SIM1: variants seen among roughly 807,000 people sequenced by gnomAD.
The protein encoded by SIM1 is SIM bHLH transcription factor 1.
Under a neutral mutation model 78.2 loss-of-function variants are expected in SIM1, and 18 were observed. The observed-to-expected ratio is 0.23, with a 90% CI of 0.16 to 0.34. The LOEUF (loss-of-function observed/expected upper bound fraction) is 0.34. Among genes scored for constraint, SIM1 ranks in the 10% least tolerant of loss-of-function variants. The probability of loss-of-function intolerance (pLI) is 1.00; values close to 1 mark genes in which losing one functional copy is unlikely to be tolerated. For synonymous variants in SIM1, 417 were observed against 385.2 expected (o/e 1.08, Z -0.97); for missense variants, 939 against 975.1 (o/e 0.96, Z 0.49).
intron 4 of SIM1, 88 bp from the exon 5 acceptor site, chr6:100,449,787 A>C (rs1277566673): frequency 1.8e-6 from 2 of 1,082,040 alleles, no homozygotes; most frequent in African/African-American, 3.1e-5. Context: ...CTGCAGGACC[A>C]TGAGGACAGC....
chr6:100,440,532 G>A (rs767933), intron 9 of SIM1, among the ~76,000 whole-genome samples: 4 of 152,138 alleles, frequency 2.6e-5, no homozygotes, highest in East Asian at 3.9e-4. Context: ...CCCTCTTCCC[G>A]GCCAGCTCCC....
rs186649678 is a variant in SIM1 at position 100,397,759 on chromosome 6, C to A, written c.1168-3870G>T. On this transcript the variant is annotated intron_variant, in intron 10 of 11. Transcript: ENST00000369208. ...AGACAAGCTACAGGAAGGGATAAAG[C>A]ATTTACAAATTACATATCCAACAAA... Among the ~76,000 whole-genome samples, 188 of 152,126 alleles carry A rather than the reference C, an allele frequency of 1.2e-3. 1 individual carries two copies. The highest frequency in any genetic ancestry group is 4.4e-3 in the African/African-American group (182 of 41,514).
chr6:100,397,160 T>G (rs1051422120), intron 10 of SIM1, among the ~76,000 whole-genome samples: 1 of 152,186 alleles, frequency 6.6e-6, no homozygotes, highest in Admixed American at 6.5e-5. Flanking sequence ...CCTCCAAGTA[T>G]CCCGTTATGA....
chr6:100,423,354 A>C (rs1423305818), intron 9 of SIM1, among the ~76,000 whole-genome samples: 1 of 152,086 alleles, frequency 6.6e-6, no homozygotes, highest in African/African-American at 2.4e-5. Context: ...CTATTTATTC[A>C]ATACATATTT....
intron 10 of SIM1, among the ~76,000 whole-genome samples, chr6:100,420,021 T>C (rs1417814902): frequency 6.6e-6 from 1 of 152,102 alleles, no homozygotes; most frequent in Admixed American, 6.6e-5. Flanking sequence ...ATGATGCTAT[T>C]AAAAGAGAAG....
At chr6:100,454,835 G>A (rs569337632) in intron 2 of SIM1, among the ~76,000 whole-genome samples, 1 of 152,158 alleles carries the variant, frequency 6.6e-6, no homozygotes, top group African/African-American at 2.4e-5. Flanking sequence ...AAACAAAGAA[G>A]GCAAAAAAAC....
At chr6:100,407,797 C>A (rs1771087625) in intron 10 of SIM1, among the ~76,000 whole-genome samples, 1 of 150,788 alleles carries the variant, frequency 6.6e-6, no homozygotes, top group African/African-American at 2.5e-5. Context: ...CAAATATTTC[C>A]TTCTTCTTTT....
chr6:100,401,302 G>GCA (rs1316277877), intron 10 of SIM1, among the ~76,000 whole-genome samples: 1 of 152,084 alleles, frequency 6.6e-6, no homozygotes, highest in Non-Finnish European at 1.5e-5. Flanking sequence ...GATGAAAGAG[G>GCA]CATGAAAATT....
chr6:100,453,670 GT>G, intron 3 of SIM1, 91 bp downstream of exon 3: 1 of 752,128 alleles, frequency 1.3e-6, no homozygotes, highest in Non-Finnish European at 2.1e-6. Context: ...TTTTTTTTTT[GT>G]TTTTGTTTTC....
Position 100,424,856 on chromosome 6 carries a change from A to G in SIM1, c.999-3898T>C, listed in dbSNP as rs1349728365. Among the ~76,000 whole-genome samples the G allele has an allele frequency of 3.9e-5, 6 of 152,126 alleles. No individual in the cohort carries two copies. The East Asian group carries it at 1.2e-3, about 29-fold the overall frequency. ...ATCCTACCTTCCAAACTGTGTGACA[A>G]TTTTTGGCACCTGCTTTCCCCAGAA... On this transcript the variant is annotated intron_variant, in intron 9 of 11. Transcript: ENST00000369208.
At chr6:100,424,586 C>A (rs1771676017) in intron 9 of SIM1, among the ~76,000 whole-genome samples, 1 of 152,024 alleles carries the variant, frequency 6.6e-6, no homozygotes, top group Non-Finnish European at 1.5e-5. Flanking sequence ...CAGGCATGCA[C>A]CACCATGCTC....
intron 10 of SIM1, among the ~76,000 whole-genome samples, chr6:100,402,512 T>TGTG (rs1770939566): frequency 6.6e-6 from 1 of 151,104 alleles, no homozygotes. Context: ...CAGGCAAGCC[T>TGTG]GTGGATGGTT....
intron 10 of SIM1, among the ~76,000 whole-genome samples, chr6:100,409,754 T>C (rs1307690624): frequency 6.6e-6 from 1 of 152,158 alleles, no homozygotes; most frequent in Non-Finnish European, 1.5e-5. Flanking sequence ...TCTCAAGATA[T>C]TTTTTATTTC....
At chr6:100,395,959 C>T (rs1770755719) in intron 10 of SIM1, 1 of 238,002 alleles carries the variant, frequency 4.2e-6, no homozygotes, top group Admixed American at 6.5e-5. Flanking sequence ...TATGGACTAT[C>T]AGCATATTCC....
chr6:100,440,464 A>C (rs1772180456), intron 9 of SIM1, among the ~76,000 whole-genome samples: 1 of 152,166 alleles, frequency 6.6e-6, no homozygotes, highest in East Asian at 1.9e-4. Flanking sequence ...GACCCCAAAC[A>C]TTGTCAATGC....
chr6:100,458,689 C>T (rs1165676100), intron 2 of SIM1, among the ~76,000 whole-genome samples: 2 of 152,166 alleles, frequency 1.3e-5, no homozygotes, highest in African/African-American at 4.8e-5. Context: ...TGGCTGACTG[C>T]GTGCTTCGGG....
rs1026230888 is a variant in SIM1 at position 100,450,197 on chromosome 6, C to A, written c.348+70G>T. On this transcript the variant is annotated intron_variant, in intron 4 of 11. Transcript: ENST00000369208. ...AGAGAAGCACACCCAGCCCCCAACC[C>A]AGCCCCCTACCCCTGCTTCCAGCTC... 5.2e-6 allele frequency: 7 copies of A among 1,352,438 alleles called. No homozygotes were observed. The African/African-American group carries it at 8.6e-5, about 17-fold the overall frequency. 83.8% of individuals were successfully genotyped at this position (1,352,438 alleles called of 1,614,324 possible).
At chr6:100,407,607 CTTACCTCTTGTCTTTTTAAATAATAGCCA>C (rs1439314763) in intron 10 of SIM1, among the ~76,000 whole-genome samples, 2 of 152,060 alleles carry the variant, frequency 1.3e-5, no homozygotes, top group Non-Finnish European at 2.9e-5. Context: ...TTTGTCAACA[CTTACCTCTTGTCTTTTTAAATAATAGCCA>C]TTCTAACAGG....
intron 10 of SIM1, among the ~76,000 whole-genome samples, chr6:100,418,806 C>T (rs921469291): frequency 6.6e-6 from 1 of 151,996 alleles, no homozygotes; most frequent in Non-Finnish European, 1.5e-5. Context: ...AAAAATAAAC[C>T]ATAAAACTCT....
Sources: allele counts gnomAD v4.1 joint callset (sites outside exome capture counted in the v4.1 genomes callset), GRCh38; gene constraint gnomAD v4.1.1; transcripts MANE v1.5; gene names NCBI Gene and HGNC (gene_info 2026-07-23, HGNC 2026-07-21).